The following NMNAT3 variants were observed in gnomAD, a reference collection of about 807,000 sequenced individuals.
NMNAT3 encodes the protein nicotinamide nucleotide adenylyltransferase 3.
In NMNAT3, 21 loss-of-function variants were observed where a neutral mutation model predicts 24.8. The ratio of observed to expected loss-of-function variants is 0.85; its 90% confidence interval spans 0.60 to 1.22. NMNAT3 has a LOEUF of 1.22. Among genes scored for constraint, NMNAT3 ranks in the 50% most tolerant of loss-of-function variants. The pLI is 0.00. For missense variants in NMNAT3, 387 were observed against 436.6 expected, an observed-to-expected ratio of 0.89 and a Z score of 1.01; for synonymous variants, 136 against 155.2, an observed-to-expected ratio of 0.88 and a Z score of 0.92.
chr3:139,614,203 G>T (rs1262715900), intron 3 of NMNAT3, among the ~76,000 whole-genome samples: 1 of 151,380 alleles, frequency 6.6e-6, no homozygotes, highest in East Asian at 1.9e-4. Flanking sequence ...ATATCAATTT[G>T]CCTTTAGATG....
At position 139,633,434 on chromosome 3, in the gene NMNAT3, C is replaced by T. The variant is rs375348317; in HGVS notation, c.-41+4529G>A. 1.2e-3 allele frequency among the ~76,000 whole-genome samples: 177 copies of T among 152,292 alleles called. 2 individuals are homozygous for T. Among genetic ancestry groups the T allele is most frequent in the African/African-American group, 4.1e-3 (172 of 41,576 alleles). On this transcript the variant is annotated intron_variant, in intron 2 of 6. Transcript: ENST00000643695. ...ACCTCAGGTGATCTGCCTGCCTCAG[C>T]CTCCCAAAGTGCTGGGATTACAGGC... is the stretch of plus-strand genomic sequence containing the variant.
intron 1 of NMNAT3, among the ~76,000 whole-genome samples, chr3:139,666,247 CA>C (rs2057578902): frequency 6.6e-6 from 1 of 152,100 alleles, no homozygotes; most frequent in Admixed American, 6.5e-5. Context: ...GAAAATATGG[CA>C]AAAGTGATAC....
intron 1 of NMNAT3, among the ~76,000 whole-genome samples, chr3:139,648,817 T>C (rs2108380704): frequency 6.6e-6 from 1 of 152,326 alleles, no homozygotes; most frequent in Middle Eastern, 3.4e-3. Context: ...CTTCTACATA[T>C]ACCGATGTGG....
intron 3 of NMNAT3, among the ~76,000 whole-genome samples, chr3:139,615,409 C>T (rs2055438013): frequency 8.0e-6 from 1 of 125,236 alleles, no homozygotes; most frequent in Non-Finnish European, 1.7e-5. Flanking sequence ...TAAATATCCA[C>T]ACACATTTTC....
chr3:139,610,640 C>T (rs1443830449), intron 3 of NMNAT3, among the ~76,000 whole-genome samples: 2 of 152,176 alleles, frequency 1.3e-5, no homozygotes, highest in Non-Finnish European at 1.5e-5. Flanking sequence ...AAGATTAAAG[C>T]AACATGCTGA....
chr3:139,600,556 C>T (rs560530809), intron 3 of NMNAT3, among the ~76,000 whole-genome samples: 112 of 152,278 alleles, frequency 7.4e-4, no homozygotes, highest in Non-Finnish European at 6.5e-4. Context: ...GATCCACCCA[C>T]CTTGGCTTCC....
At chr3:139,562,135 G>C (rs981429685) in intron 6 of NMNAT3, among the ~76,000 whole-genome samples, 6 of 129,968 alleles carry the variant, frequency 4.6e-5, no homozygotes, top group Middle Eastern at 4.7e-3. Context: ...CAATTTATGA[G>C]GTGAGTATTG....
At chr3:139,647,066 G>T (rs1368493745) in intron 1 of NMNAT3, among the ~76,000 whole-genome samples, 1 of 152,196 alleles carries the variant, frequency 6.6e-6, no homozygotes, top group South Asian at 2.1e-4. Context: ...AGGAAAGAAG[G>T]TATAATAGAT....
intron 1 of NMNAT3, among the ~76,000 whole-genome samples, chr3:139,675,393 A>G (rs1369230078): frequency 6.8e-6 from 1 of 146,008 alleles, no homozygotes; most frequent in East Asian, 2.1e-4. Flanking sequence ...ACCCCCACTC[A>G]GCCATCAGTT....
intron 3 of NMNAT3, among the ~76,000 whole-genome samples, chr3:139,599,859 A>C (rs940981958): frequency 1.3e-5 from 2 of 152,182 alleles, no homozygotes; most frequent in African/African-American, 4.8e-5. Flanking sequence ...TCAATTTCAA[A>C]GGCCTCTGTG....
intron 1 of NMNAT3, among the ~76,000 whole-genome samples, chr3:139,662,173 T>A (rs2057436710): frequency 6.6e-6 from 1 of 152,072 alleles, no homozygotes; most frequent in Non-Finnish European, 1.5e-5. Context: ...CAGACACAAC[T>A]CTCCCAGGCC....
chr3:139,600,721 T>A (rs2054675696), intron 3 of NMNAT3, among the ~76,000 whole-genome samples: 1 of 152,182 alleles, frequency 6.6e-6, no homozygotes, highest in Non-Finnish European at 1.5e-5. Flanking sequence ...TGTTCCTTTC[T>A]CTGCAATCAT....
At position 139,663,661 on chromosome 3, in the gene NMNAT3, G is replaced by A. The variant is rs945069700; in HGVS notation, c.-141+14044C>T. ...AAGGCAGTCTAAACACTCTCTAAGAGTCCCTCCAGCAGCTAGTTCATGACC... is the reference window on the plus strand; with the variant it reads ...AAGGCAGTCTAAACACTCTCTAAGAATCCCTCCAGCAGCTAGTTCATGACC... On this transcript the variant is annotated intron_variant, in intron 1 of 6. Coordinates refer to ENST00000643695, the MANE Select transcript of NMNAT3 (RefSeq NM_001320510.2). 3.3e-5 allele frequency among the ~76,000 whole-genome samples: 5 copies of A among 152,124 alleles called. No individual in the cohort carries two copies. The South Asian group carries it at 8.3e-4, about 25-fold the overall frequency.
intron 1 of NMNAT3, among the ~76,000 whole-genome samples, chr3:139,646,462 T>C (rs1051767157): frequency 6.6e-6 from 1 of 152,166 alleles, no homozygotes; most frequent in Admixed American, 6.5e-5. Context: ...GTAGGCCCCA[T>C]CCTCTGTCTG....
intron 1 of NMNAT3, among the ~76,000 whole-genome samples, chr3:139,673,162 G>T (rs77293950): frequency 1.5e-3 from 232 of 152,238 alleles, no homozygotes; most frequent in African/African-American, 5.2e-3. Context: ...GCTCTCAGGT[G>T]GACTCTGTCA....
chr3:139,582,907 A>AT (rs1484010632), intron 4 of NMNAT3: 33 of 1,382,614 alleles, frequency 2.4e-5, no homozygotes, highest in African/African-American at 7.4e-5. Flanking sequence ...AGTCCAAAAA[A>AT]ATATATATAT....
At chr3:139,640,405 C>T (rs765909803) in intron 1 of NMNAT3, among the ~76,000 whole-genome samples, 1 of 152,166 alleles carries the variant, frequency 6.6e-6, no homozygotes, top group Non-Finnish European at 1.5e-5. Flanking sequence ...GCTACTCAGC[C>T]TTGTCCTTAA....
chr3:139,611,762 G>A (rs562847171), intron 3 of NMNAT3, among the ~76,000 whole-genome samples: 11 of 152,302 alleles, frequency 7.2e-5, no homozygotes, highest in South Asian at 6.2e-4. Flanking sequence ...TATCCTGCCC[G>A]TGACAGGACA....
chr3:139,587,546 C>T (rs1349440416), intron 3 of NMNAT3, among the ~76,000 whole-genome samples: 1 of 152,086 alleles, frequency 6.6e-6, no homozygotes, highest in Non-Finnish European at 1.5e-5. Flanking sequence ...TTAATGCACT[C>T]TTGGGGAGGT....
Sources: gnomAD v4.1 joint callset for allele counts (sites outside exome capture counted in the v4.1 genomes callset) on GRCh38, gnomAD v4.1.1 for gene constraint, MANE v1.5 for transcripts, NCBI Gene and HGNC (gene_info 2026-07-23, HGNC 2026-07-21) for gene names.